The following PICALM variants were observed in gnomAD, a reference collection of about 807,000 sequenced individuals.
PICALM encodes the protein phosphatidylinositol-binding clathrin assembly protein.
In PICALM, 40 loss-of-function variants were observed where a neutral mutation model predicts 80.5. That is an observed-to-expected ratio of 0.50 (90% confidence interval 0.39 to 0.65). The LOEUF (loss-of-function observed/expected upper bound fraction) is 0.65. Among genes scored for constraint, PICALM ranks in the 30% least tolerant of loss-of-function variants. PICALM has a pLI of 0.00. For missense variants in PICALM, 676 were observed against 778.9 expected (o/e 0.87, Z 1.57); for synonymous variants, 288 against 260.3 (o/e 1.11, Z -1.02).
At chr11:86,000,963 T>C (rs1359611175) in intron 10 of PICALM, 72 bp downstream of exon 10, 2 of 1,569,222 alleles carry the variant, frequency 1.3e-6, no homozygotes, top group African/African-American at 2.7e-5. Context: ...ACTCTAAGTC[T>C]GTGCAGAGGC....
At position 86,013,288 on chromosome 11, in the gene PICALM, C is replaced by T. The variant is rs180761549; in HGVS notation, c.547-896G>A. ...TATGATCATGCCACAGAACTCCAGC[C>T]AGGGTGACAGAGAAAAATGCTGTCT... On this transcript the variant is annotated intron_variant, in intron 5 of 19. Coordinates refer to ENST00000393346, the MANE Select transcript of PICALM (RefSeq NM_007166.4). Among the ~76,000 whole-genome samples, 15 of 151,762 alleles carry T rather than the reference C, an allele frequency of 9.9e-5. No individual in the cohort carries two copies. In the East Asian group the frequency reaches 2.9e-3, roughly 29 times the overall value.
At chr11:85,977,213 T>C (rs1427330207) in intron 17 of PICALM, among the ~76,000 whole-genome samples, 1 of 152,206 alleles carries the variant, frequency 6.6e-6, no homozygotes, top group Admixed American at 6.5e-5. Context: ...AAACTACTAT[T>C]GAGTATGACT....
intron 1 of PICALM, among the ~76,000 whole-genome samples, chr11:86,034,106 TA>T (rs559349103): frequency 6.6e-6 from 1 of 151,916 alleles, no homozygotes; most frequent in Admixed American, 6.6e-5. Context: ...CTCCAGAAGC[TA>T]AAAAAAATTC....
At chr11:86,025,372 C>A (rs1472876607) in intron 3 of PICALM, among the ~76,000 whole-genome samples, 1 of 151,834 alleles carries the variant, frequency 6.6e-6, no homozygotes, top group African/African-American at 2.4e-5. Flanking sequence ...TGCACTCCAG[C>A]CTGGTGACAG....
intron 1 of PICALM, among the ~76,000 whole-genome samples, chr11:86,065,118 G>C (rs139833645): frequency 2.6e-5 from 4 of 151,976 alleles, no homozygotes; most frequent in Admixed American, 1.3e-4. Context: ...TGTAAGATCA[G>C]ATAAAAATGA....
chr11:86,012,434 T>C (rs912454921), intron 5 of PICALM, 42 bp from the exon 6 acceptor site: 2 of 1,052,130 alleles, frequency 1.9e-6, no homozygotes, highest in Non-Finnish European at 3.0e-6. Flanking sequence ...ATCTTAGGTT[T>C]TAAATGACAT....
chr11:86,038,637 C>T (rs1222135433), intron 1 of PICALM, among the ~76,000 whole-genome samples: 1 of 150,500 alleles, frequency 6.6e-6, no homozygotes, highest in African/African-American at 2.4e-5. Flanking sequence ...AAAAATTAGC[C>T]GAGCTTGGTG....
chr11:85,999,509 G>A (rs539495513), intron 11 of PICALM, among the ~76,000 whole-genome samples: 2 of 152,072 alleles, frequency 1.3e-5, no homozygotes, highest in South Asian at 2.1e-4. Flanking sequence ...CCCTTAATGG[G>A]GTCAATGTTA....
chr11:86,051,811 T>A (rs1484051999), intron 1 of PICALM, among the ~76,000 whole-genome samples: 2 of 152,230 alleles, frequency 1.3e-5, no homozygotes, highest in Non-Finnish European at 2.9e-5. Flanking sequence ...CCCTTCAGAT[T>A]GCCTGACCTC....
At chr11:85,976,394 C>T (rs1001331512) in intron 18 of PICALM, among the ~76,000 whole-genome samples, 1 of 152,024 alleles carries the variant, frequency 6.6e-6, no homozygotes, top group East Asian at 1.9e-4. Context: ...AGCAAAGTTA[C>T]GAGGAGAAAA....
intron 19 of PICALM, among the ~76,000 whole-genome samples, chr11:85,973,145 G>A (rs2094163155): frequency 6.6e-6 from 1 of 152,128 alleles, no homozygotes; most frequent in Admixed American, 6.5e-5. Flanking sequence ...AAAGGGTGGG[G>A]TAAAAAAAGA....
At chr11:86,045,839 C>A (rs2137174460) in intron 1 of PICALM, among the ~76,000 whole-genome samples, 1 of 152,266 alleles carries the variant, frequency 6.6e-6, no homozygotes, top group East Asian at 1.9e-4. Flanking sequence ...TTTCTCCCAT[C>A]ATTCTACAGT....
chr11:86,050,270 C>CA (rs372289909), intron 1 of PICALM, among the ~76,000 whole-genome samples: 6 of 147,716 alleles, frequency 4.1e-5, no homozygotes, highest in African/African-American at 9.9e-5. Flanking sequence ...AAGGCCCCCC[C>CA]AAAAAAAAAG....
intron 5 of PICALM, among the ~76,000 whole-genome samples, chr11:86,013,438 C>A (rs902489206): frequency 6.6e-6 from 1 of 152,072 alleles, no homozygotes; most frequent in Non-Finnish European, 1.5e-5. Flanking sequence ...TGAACCACCA[C>A]ATTCTTTTTC....
chr11:86,055,327 C>CA lies in PICALM; in HGVS notation c.130+13323dup, dbSNP rs1203232255. Among the ~76,000 whole-genome samples the CA allele has an allele frequency of 7.2e-3, 772 of 107,600 alleles. 1 individual carries two copies. Among genetic ancestry groups the CA allele is most frequent in the Non-Finnish European group, 9.3e-3 (474 of 50,794 alleles). The allele number at this position is 107,600 out of a possible 152,430, so 70.6% of individuals were successfully genotyped here. A position where few individuals can be genotyped will look rare whatever the true frequency, so the allele number is the denominator to read the frequency against. ...CCTGGACAAGAGCAAAACTCCGTCT[C>CA]AAAAAAAAAAAAAAAGATACCATGG... On this transcript the variant is annotated intron_variant, in intron 1 of 19. Transcript: ENST00000393346.
intron 11 of PICALM, among the ~76,000 whole-genome samples, chr11:85,997,936 C>T (rs1405018469): frequency 1.3e-5 from 2 of 152,062 alleles, no homozygotes; most frequent in Non-Finnish European, 2.9e-5. Context: ...GTGCATGCCA[C>T]CATGCTTGGC....
intron 7 of PICALM, among the ~76,000 whole-genome samples, chr11:86,010,376 G>C (rs1318609372): frequency 1.3e-5 from 2 of 151,356 alleles, no homozygotes; most frequent in African/African-American, 4.9e-5. Context: ...GCCCAGCCTG[G>C]AGTGCAGTGG....
At chr11:85,980,408 C>A (rs964930760) in intron 17 of PICALM, among the ~76,000 whole-genome samples, 2 of 152,160 alleles carry the variant, frequency 1.3e-5, no homozygotes, top group African/African-American at 4.8e-5. Flanking sequence ...ATAGAATATA[C>A]TAGAATGAGG....
intron 11 of PICALM, among the ~76,000 whole-genome samples, chr11:85,999,132 C>T (rs1330149356): frequency 2.0e-5 from 3 of 152,122 alleles, no homozygotes. Flanking sequence ...ATAGGTAATA[C>T]AATTGTTTTT....
Sources: allele counts gnomAD v4.1 joint callset (sites outside exome capture counted in the v4.1 genomes callset), GRCh38; gene constraint gnomAD v4.1.1; transcripts MANE v1.5; gene names NCBI Gene and HGNC (gene_info 2026-07-23, HGNC 2026-07-21).